The following VTI1A variants were observed in gnomAD, a reference collection of about 807,000 sequenced individuals.
VTI1A encodes vesicle transport through interaction with t-SNAREs 1A.
VTI1A carries 22 observed loss-of-function variants against 34.9 expected under a neutral mutation model. That is an observed-to-expected ratio of 0.63 (90% CI 0.45 to 0.90). The LOEUF is 0.90. VTI1A is among the 40% of genes least tolerant of loss of function. VTI1A has a pLI of 0.00. For synonymous variants in VTI1A, 87 were observed against 97.3 expected (o/e 0.89, Z 0.62); for missense variants, 268 against 275.6 (o/e 0.97, Z 0.20).
chr10:112,471,577 AG>A (rs1414130511), intron 3 of VTI1A, among the ~76,000 whole-genome samples: 1 of 152,006 alleles, frequency 6.6e-6, no homozygotes, highest in Non-Finnish European at 1.5e-5. Context: ...CGAGTAACTA[AG>A]CACCCGTTTT....
downstream of VTI1A, among the ~76,000 whole-genome samples, chr10:112,821,352 C>G (rs921284742): frequency 1.3e-5 from 2 of 152,176 alleles, no homozygotes; most frequent in South Asian, 2.1e-4. Flanking sequence ...CGGCCTCCCC[C>G]AGGTGTGTTC....
In VTI1A at chr10:112,618,516, T is replaced by TAGAGAGAGAGAGAG. The variant is rs1295144968; in HGVS notation, c.428-49701_428-49700insGAGAGAGAGAGAGA. On this transcript the variant is annotated intron_variant, in intron 5 of 7. Coordinates refer to ENST00000393077, the MANE Select transcript of VTI1A (RefSeq NM_145206.4). ...ATATATATATATATATATATATATA[T>TAGAGAGAGAGAGAG]ATATATATAGAGAGAGAGAGAGAGA... is the stretch of plus-strand genomic sequence containing the variant. Among the ~76,000 whole-genome samples the TAGAGAGAGAGAGAG allele has an allele frequency of 6.1e-3, 284 of 46,306 alleles. 5 individuals are homozygous for TAGAGAGAGAGAGAG. The highest frequency in any genetic ancestry group is 7.7e-3 in the Non-Finnish European group (218 of 28,402). The allele number at this position is 46,306 out of a possible 152,430, so 30.4% of individuals were successfully genotyped here.
chr10:112,457,884 G>A (rs551659769), intron 1 of VTI1A, among the ~76,000 whole-genome samples: 91 of 152,190 alleles, frequency 6.0e-4, no homozygotes, highest in Middle Eastern at 6.8e-3. Context: ...GTTACAGGAC[G>A]GGAGGAGCAA....
intron 7 of VTI1A, among the ~76,000 whole-genome samples, chr10:112,807,298 C>A (rs1245824670): frequency 6.6e-6 from 1 of 152,236 alleles, no homozygotes; most frequent in South Asian, 2.1e-4. Flanking sequence ...AACAACATGG[C>A]TTAAATGCAC....
chr10:112,525,324 G>C (rs565490355), intron 3 of VTI1A, among the ~76,000 whole-genome samples: 36 of 152,226 alleles, frequency 2.4e-4, no homozygotes, highest in Non-Finnish European at 8.8e-5. Context: ...AGCGAAATGG[G>C]GTTTAGGGTG....
At chr10:112,517,307 G>A (rs1372385341) in intron 3 of VTI1A, among the ~76,000 whole-genome samples, 5 of 151,856 alleles carry the variant, frequency 3.3e-5, no homozygotes, top group African/African-American at 4.8e-5. Flanking sequence ...GCTAAAATTG[G>A]CACAATCTGA....
chr10:112,454,285 A>G (rs372346444), intron 1 of VTI1A, among the ~76,000 whole-genome samples: 4 of 152,342 alleles, frequency 2.6e-5, no homozygotes, highest in East Asian at 1.9e-4. Context: ...TTCTGTAAAT[A>G]TCAAGAATTA....
intron 5 of VTI1A, among the ~76,000 whole-genome samples, chr10:112,626,328 T>A (rs1243832610): frequency 5.3e-5 from 8 of 152,176 alleles, no homozygotes; most frequent in Non-Finnish European, 1.5e-5. Flanking sequence ...TTATTTTTTT[T>A]AATCTACATC....
At chr10:112,569,702 G>A (rs1852046435) in intron 5 of VTI1A, among the ~76,000 whole-genome samples, 1 of 152,104 alleles carries the variant, frequency 6.6e-6, no homozygotes, top group South Asian at 2.1e-4. Flanking sequence ...CTGAAAGTGG[G>A]TAAAAACTTG....
chr10:112,503,203 G>A (rs931389051), intron 3 of VTI1A, among the ~76,000 whole-genome samples: 2 of 152,038 alleles, frequency 1.3e-5, no homozygotes, highest in African/African-American at 2.4e-5. Context: ...GGAACACCAG[G>A]TCTTATTTTT....
chr10:112,830,352 C>T, the VTI1A span, among the ~76,000 whole-genome samples: 1 of 151,270 alleles, frequency 6.6e-6, no homozygotes, highest in Non-Finnish European at 1.5e-5. Flanking sequence ...TCCTTTCTCC[C>T]TCCAACACTC....
At chr10:112,480,908 G>A (rs891462046) in intron 3 of VTI1A, among the ~76,000 whole-genome samples, 1 of 152,136 alleles carries the variant, frequency 6.6e-6, no homozygotes, top group Non-Finnish European at 1.5e-5. Flanking sequence ...TAAATCTCAG[G>A]TGATCCTCTA....
chr10:112,589,904 T>C (rs551416172), intron 5 of VTI1A, among the ~76,000 whole-genome samples: 1 of 152,346 alleles, frequency 6.6e-6, no homozygotes, highest in East Asian at 1.9e-4. Flanking sequence ...CTGAATTTAT[T>C]TCATGGGAAT....
chr10:112,462,896 T>TTTATTTATTTA (rs1554882331), intron 2 of VTI1A, among the ~76,000 whole-genome samples: 2 of 144,776 alleles, frequency 1.4e-5, no homozygotes, highest in Admixed American at 6.8e-5. Context: ...TGTTACTGGT[T>TTTATTTATTTA]TTTATTTATT....
At chr10:112,551,295 T>A (rs934124954) in intron 5 of VTI1A, among the ~76,000 whole-genome samples, 2 of 151,740 alleles carry the variant, frequency 1.3e-5, no homozygotes, top group South Asian at 4.2e-4. Flanking sequence ...TATTTTTTTT[T>A]AAATTTCCAT....
chr10:112,784,955 G>C (rs182271247), intron 7 of VTI1A, among the ~76,000 whole-genome samples: 25 of 152,294 alleles, frequency 1.6e-4, no homozygotes, highest in Admixed American at 1.0e-3. Context: ...AGATCTCAGG[G>C]TTGTTCATGT....
chr10:112,845,513 G>A, the VTI1A span, among the ~76,000 whole-genome samples: 1 of 150,770 alleles, frequency 6.6e-6, no homozygotes, highest in Non-Finnish European at 1.5e-5. Context: ...GAACTAACTT[G>A]CGCAGCAGCG....
intron 3 of VTI1A, among the ~76,000 whole-genome samples, chr10:112,493,780 A>G (rs1848918159): frequency 6.6e-6 from 1 of 152,160 alleles, no homozygotes; most frequent in African/African-American, 2.4e-5. Context: ...TGATTTTTAG[A>G]TGTAAAACCA....
chr10:112,567,227 G>A (rs141648129), intron 5 of VTI1A, among the ~76,000 whole-genome samples: 18 of 151,980 alleles, frequency 1.2e-4, no homozygotes, highest in Middle Eastern at 3.4e-3. Context: ...ACCAGTTCTC[G>A]CCATGTTGCC....
Sources: gnomAD v4.1 joint callset for allele counts (sites outside exome capture counted in the v4.1 genomes callset) on GRCh38, gnomAD v4.1.1 for gene constraint, MANE v1.5 for transcripts, NCBI Gene and HGNC (gene_info 2026-07-23, HGNC 2026-07-21) for gene names.